Variants in GPM6A observed in about 807,000 individuals in gnomAD.
The protein encoded by GPM6A is neuronal membrane glycoprotein M6-a.
Under a neutral mutation model 32.1 loss-of-function variants are expected in GPM6A, and 7 were observed. The observed-to-expected ratio is 0.22, with a 90% CI of 0.12 to 0.41. The LOEUF (loss-of-function observed/expected upper bound fraction) is 0.41. GPM6A is among the 10% of genes least tolerant of loss of function. The pLI, the probability that GPM6A is intolerant of heterozygous loss-of-function variation, is 1.00. For missense variants in GPM6A, 235 were observed against 347.2 expected, an observed-to-expected ratio of 0.68 and a Z score of 2.57; for synonymous variants, 130 against 123.4, an observed-to-expected ratio of 1.05 and a Z score of -0.35.
chr4:175,724,523 G>A lies in GPM6A; in HGVS notation c.38-22756C>T, dbSNP rs139840661. ...CTGTGCCATTGCACTCCAGCCTGGA[G>A]GACAGAGTGAGATTCCATCTCAAAA... On this transcript the variant is annotated intron_variant, in intron 1 of 6. Coordinates refer to ENST00000393658, the MANE Select transcript of GPM6A (RefSeq NM_201591.3). Among the ~76,000 whole-genome samples, 618 of 152,200 alleles carry A rather than the reference G, an allele frequency of 4.1e-3. 7 individuals carry two copies. The highest frequency in any genetic ancestry group is 0.022 in the East Asian group (111 of 5,162).
At chr4:175,997,386 A>G (rs1741340457) in intron 1 of GPM6A, among the ~76,000 whole-genome samples, 1 of 152,220 alleles carries the variant, frequency 6.6e-6, no homozygotes, top group African/African-American at 2.4e-5. Context: ...GATCAAAAGT[A>G]TTATCCAGTA....
intron 1 of GPM6A, among the ~76,000 whole-genome samples, chr4:175,721,165 A>ATT (rs1553981546): frequency 2.8e-5 from 4 of 145,316 alleles, no homozygotes; most frequent in African/African-American, 7.5e-5. Context: ...ATATATATAT[A>ATT]TTTTCTATTT....
Position 175,651,866 on chromosome 4 carries a change from C to T in GPM6A, c.509G>A (p.Gly170Glu). The change falls in exon 4 of 7, where the codon GGA becomes GAA. Residue 170 changes from glycine to glutamate, a missense_variant. This residue lies in a region of GPM6A where 107 missense variants were observed against 116.7 expected (regional missense o/e 0.92). Transcript: ENST00000393658. ...TICRNTTLVE[G>E]ANLCLDLRQF... ...ACGAAGGTCCAAGCAGAGATTTGCT[C>T]CCTCCACTAATGTGGTGTTCCGGCA... 6.2e-7 allele frequency: 1 copy of T among 1,613,274 alleles called. No homozygotes were observed. The highest frequency in any genetic ancestry group is 8.5e-7 in the Non-Finnish European group (1 of 1,179,540).
At chr4:175,641,597 G>A (rs1741147881) in intron 4 of GPM6A, 1 of 152,126 alleles carries the variant, frequency 6.6e-6, no homozygotes, top group Non-Finnish European at 1.5e-5. Flanking sequence ...ACACATACAG[G>A]CATGATAAAA....
chr4:175,729,877 A>ATT (rs1731342379), intron 1 of GPM6A, among the ~76,000 whole-genome samples: 1 of 143,376 alleles, frequency 7.0e-6, no homozygotes. Context: ...GTATTTAATA[A>ATT]TTATATTATA....
rs182859549 is a variant in GPM6A at position 175,698,810 on chromosome 4, T to C, written c.230+2765A>G. 1.8e-4 allele frequency among the ~76,000 whole-genome samples: 27 copies of C among 152,302 alleles called. No individual in the cohort carries two copies. The East Asian group carries it at 4.8e-3, about 27-fold the overall frequency. On this transcript the variant is annotated intron_variant, in intron 2 of 6. Transcript: ENST00000393658. ...CATTATTGGTTTCACATTTAATACA[T>C]AATATAACAGAGCAAAGGTAAAACT...
chr4:175,943,708 C>G (rs767400899), intron 1 of GPM6A, among the ~76,000 whole-genome samples: 24 of 152,122 alleles, frequency 1.6e-4, no homozygotes, highest in Non-Finnish European at 3.4e-4. Context: ...GTTTAACCAG[C>G]CTTACATCCC....
chr4:175,774,413 T>C (rs1443019963), intron 1 of GPM6A, among the ~76,000 whole-genome samples: 1 of 152,046 alleles, frequency 6.6e-6, no homozygotes, highest in East Asian at 1.9e-4. Flanking sequence ...CTGTAAGTCA[T>C]TAGATTCCTC....
intron 1 of GPM6A, chr4:176,002,187 C>T (rs1185717900): frequency 1.8e-6 from 2 of 1,111,750 alleles, no homozygotes; most frequent in Non-Finnish European, 2.7e-6. Flanking sequence ...ACGCCAGGCG[C>T]GGGGGGAACA....
intron 1 of GPM6A, among the ~76,000 whole-genome samples, chr4:175,743,630 C>CA (rs1399635708): frequency 6.7e-6 from 1 of 150,258 alleles, no homozygotes; most frequent in Non-Finnish European, 1.5e-5. Flanking sequence ...ATAACTTTTA[C>CA]AATTTAAAAA....
chr4:175,694,410 G>T (rs1296943981), intron 2 of GPM6A, among the ~76,000 whole-genome samples: 2 of 152,178 alleles, frequency 1.3e-5, no homozygotes, highest in African/African-American at 4.8e-5. Context: ...TGAAGTCTAG[G>T]CTGAGGAGTT....
chr4:175,899,810 GC>G (rs1158474353), intron 1 of GPM6A, among the ~76,000 whole-genome samples: 2 of 152,002 alleles, frequency 1.3e-5, no homozygotes, highest in Admixed American at 6.6e-5. Context: ...ATTGATCTCA[GC>G]AAAATTTCTT....
At chr4:175,659,944 T>A (rs1309306439) in intron 3 of GPM6A, among the ~76,000 whole-genome samples, 1 of 152,124 alleles carries the variant, frequency 6.6e-6, no homozygotes, top group Non-Finnish European at 1.5e-5. Flanking sequence ...TAACTAAAAA[T>A]AAAAATATGA....
chr4:175,927,231 G>A (rs560391959), intron 1 of GPM6A, among the ~76,000 whole-genome samples: 2 of 152,344 alleles, frequency 1.3e-5, no homozygotes, highest in South Asian at 4.1e-4. Flanking sequence ...TTGAGAAAAT[G>A]ATTCTTTCTA....
At chr4:175,713,771 G>T (rs1270152756) in intron 1 of GPM6A, among the ~76,000 whole-genome samples, 1 of 152,076 alleles carries the variant, frequency 6.6e-6, no homozygotes, top group Non-Finnish European at 1.5e-5. Context: ...AATTCGCAGC[G>T]TTCAAAGGCA....
chr4:175,934,687 A>C (rs1739163281), intron 1 of GPM6A, among the ~76,000 whole-genome samples: 1 of 152,248 alleles, frequency 6.6e-6, no homozygotes, highest in Non-Finnish European at 1.5e-5. Context: ...ACTTTCTATA[A>C]ATGCTTTCAG....
chr4:175,886,728 C>A (rs922518141), intron 1 of GPM6A, among the ~76,000 whole-genome samples: 1 of 127,324 alleles, frequency 7.9e-6, no homozygotes, highest in African/African-American at 3.0e-5. Flanking sequence ...AGTAAACACA[C>A]ACACACACAC....
At chr4:175,832,446 T>C (rs1332145666) in intron 1 of GPM6A, among the ~76,000 whole-genome samples, 1 of 152,224 alleles carries the variant, frequency 6.6e-6, no homozygotes. Flanking sequence ...TATTTATTTA[T>C]ATTCAAAGTT....
chr4:175,682,469 GA>G (rs1743741519), intron 2 of GPM6A, among the ~76,000 whole-genome samples: 1 of 152,138 alleles, frequency 6.6e-6, no homozygotes, highest in Non-Finnish European at 1.5e-5. Flanking sequence ...ATGCATAACG[GA>G]AAAAGAGCAA....
Sources: allele counts gnomAD v4.1 joint callset (sites outside exome capture counted in the v4.1 genomes callset), GRCh38; gene constraint gnomAD v4.1.1; regional missense constraint gnomAD v4.1.1; transcripts MANE v1.5; gene names NCBI Gene and HGNC (gene_info 2026-07-23, HGNC 2026-07-21).